The following SLC6A6 variants were observed in gnomAD, a reference collection of about 807,000 sequenced individuals.
The protein encoded by SLC6A6 is sodium- and chloride-dependent taurine transporter.
In SLC6A6, 16 loss-of-function variants were observed where a neutral mutation model predicts 68.8. The ratio of observed to expected loss-of-function variants is 0.23; its 90% confidence interval spans 0.16 to 0.35. SLC6A6 has a LOEUF of 0.35. Among genes scored for constraint, SLC6A6 ranks in the 10% least tolerant of loss-of-function variants. SLC6A6 has a pLI of 1.00. For missense variants in SLC6A6, 474 were observed against 802.8 expected (o/e 0.59, Z 4.95); for synonymous variants, 312 against 315.4 (o/e 0.99, Z 0.12).
rs1700769766 is a variant in SLC6A6 at position 14,472,304 on chromosome 3, G to T, written c.1196G>T (p.Gly399Val). The T allele has an allele frequency of 6.2e-7, 1 of 1,604,492 alleles. No individual in the cohort carries two copies. Among genetic ancestry groups the T allele is most frequent in the South Asian group, 1.1e-5 (1 of 90,876 alleles). The change falls in exon 10 of 15, where the codon GGA becomes GTA. Residue 399 changes from glycine (G) to valine (V), a missense_variant. Gly to Val is a moderately radical substitution (Grantham distance 109). This residue lies in a region of SLC6A6 where 280 missense variants were observed against 533.1 expected (regional missense o/e 0.53). Coordinates refer to ENST00000622186, the MANE Select transcript of SLC6A6 (RefSeq NM_003043.6). This position sits in a 1 kb window ranked among gnomAD's most constrained non-coding sequence, Gnocchi z 4.5. The stretch of plus-strand genomic sequence containing the variant: ...TTTTTTATTATGCTTCTCTTGCTTG[G>T]ACTGGATAGCCAGGTGCGTATAAGG... ...ILFFIMLLLL[G>V]LDSQFVEVEG...
chr3:14,404,797 G>A (rs937278722), intron 1 of SLC6A6, among the ~76,000 whole-genome samples: 3 of 152,228 alleles, frequency 2.0e-5, no homozygotes, highest in East Asian at 3.9e-4. Context: ...AGGGTGTCAC[G>A]AGGTCCTGGG....
At position 14,468,185 on chromosome 3, in the gene SLC6A6, G is replaced by GTGGA. The variant is rs750070399; in HGVS notation, c.1070_1073dup (p.Ile359GlyfsTer4). 6.2e-7 allele frequency: 1 copy of GTGGA among 1,613,996 alleles called. No individual in the cohort carries two copies. The highest frequency in any genetic ancestry group is 8.5e-7 in the Non-Finnish European group (1 of 1,179,984). On this transcript the variant is annotated frameshift_variant, in exon 9 of 15. Coordinates refer to ENST00000622186, the MANE Select transcript of SLC6A6 (RefSeq NM_003043.6). LOFTEE classifies it high-confidence loss of function. The surrounding 1 kb of genome is among the most constrained non-coding windows in gnomAD (Gnocchi z 4.5). The stretch of plus-strand genomic sequence containing the variant: ...GGGCTTCATGGCACAAGAGCAAGGG[G>GTGGA]TGGACATTGCTGATGTGGCTGAGTC...
intron 9 of SLC6A6, among the ~76,000 whole-genome samples, chr3:14,469,492 C>T (rs1191829886): frequency 1.3e-5 from 2 of 152,208 alleles, no homozygotes; most frequent in Non-Finnish European, 2.9e-5. Flanking sequence ...GCCTCAGCAT[C>T]GCGTGTCCAG....
intron 1 of SLC6A6, among the ~76,000 whole-genome samples, chr3:14,414,663 C>T (rs1363436109): frequency 6.6e-6 from 1 of 152,070 alleles, no homozygotes; most frequent in Non-Finnish European, 1.5e-5. Context: ...GTGGGTGGGA[C>T]TACAGGCATG....
rs934190545 is a variant in SLC6A6, at chr3:14,485,497, A to G, written c.*490A>G. ...GGAATTTTCCTGGGACTCTACACCCATCTTAAGGTGGTATACCTTCCAAAT... is the reference window on the plus strand; with the variant it reads ...GGAATTTTCCTGGGACTCTACACCCGTCTTAAGGTGGTATACCTTCCAAAT... On this transcript the variant is annotated 3_prime_UTR_variant, in exon 15 of 15. Transcript: ENST00000622186. 9 of 153,308 alleles carry G rather than the reference A, an allele frequency of 5.9e-5. No homozygotes were observed. Among genetic ancestry groups the G allele is most frequent in the African/African-American group, 2.2e-4 (9 of 41,426 alleles). The allele number at this position is 153,308 out of a possible 1,614,324, so 9.5% of individuals were successfully genotyped here. A position where few individuals can be genotyped will look rare whatever the true frequency, so the allele number is the denominator to read the frequency against.
intron 2 of SLC6A6, among the ~76,000 whole-genome samples, chr3:14,424,557 G>A (rs1448440749): frequency 1.3e-5 from 2 of 151,334 alleles, no homozygotes; most frequent in African/African-American, 2.4e-5. Flanking sequence ...GCTGCCTGGG[G>A]TAGGGGGTGG....
At chr3:14,464,191 A>G (rs1700561972) in intron 6 of SLC6A6, among the ~76,000 whole-genome samples, 1 of 152,164 alleles carries the variant, frequency 6.6e-6, no homozygotes. Flanking sequence ...GCCAGCCTCT[A>G]AGCTTGGCTT....
At chr3:14,423,244 A>G (rs1301772312) in intron 2 of SLC6A6, among the ~76,000 whole-genome samples, 3 of 152,210 alleles carry the variant, frequency 2.0e-5, no homozygotes, top group African/African-American at 7.2e-5. Flanking sequence ...CTCTGGAAGG[A>G]CAGACAGTGT....
At chr3:14,416,581 A>C (rs1291854514) in intron 2 of SLC6A6, 128 bp downstream of exon 2, 2 of 395,666 alleles carry the variant, frequency 5.1e-6, no homozygotes, top group Non-Finnish European at 8.9e-6. Context: ...CCTGAGGCCC[A>C]CAGACCTTGT....
chr3:14,452,216 TCA>T (rs1477049191), intron 5 of SLC6A6, among the ~76,000 whole-genome samples: 2 of 152,040 alleles, frequency 1.3e-5, no homozygotes, highest in Non-Finnish European at 2.9e-5. Flanking sequence ...GAGACAAAGC[TCA>T]ACTCTGGCTC....
intron 6 of SLC6A6, among the ~76,000 whole-genome samples, chr3:14,466,026 C>A (rs917182467): frequency 1.3e-5 from 2 of 152,086 alleles, no homozygotes; most frequent in Non-Finnish European, 2.9e-5. Flanking sequence ...CTTTGGGAGG[C>A]TGAGGCAGGT....
chr3:14,426,335 A>T (rs988213396), intron 2 of SLC6A6, among the ~76,000 whole-genome samples: 4 of 151,756 alleles, frequency 2.6e-5, no homozygotes, highest in Non-Finnish European at 4.4e-5. Context: ...GTCCCCCCCC[A>T]GCCATCCCAA....
Position 14,472,253 on chromosome 3 carries a change from C to T in SLC6A6, c.1145C>T (p.Pro382Leu). The change falls in exon 10 of 15, where the codon CCG (proline) becomes CTG (leucine). Residue 382 changes from proline (P) to leucine (L), a missense_variant. Pro to Leu is a moderately conservative substitution (Grantham distance 98, BLOSUM62 -3). Transcript: ENST00000622186. This position sits in a 1 kb window ranked among gnomAD's most constrained non-coding sequence, Gnocchi z 4.5. ...IAYPKAVTMMPLPTFWSILFF... is the reference protein window; with the variant it reads ...IAYPKAVTMMLLPTFWSILFF... Reference sequence around the variant, plus strand: ...TACCCAAAAGCTGTGACAATGATGCCGCTGCCCACATTTTGGTCCATTCTT... The same window carrying T: ...TACCCAAAAGCTGTGACAATGATGCTGCTGCCCACATTTTGGTCCATTCTT... The T allele has an allele frequency of 1.9e-6, 3 of 1,613,974 alleles. No individual in the cohort carries two copies. Among genetic ancestry groups the T allele is most frequent in the South Asian group, 1.1e-5 (1 of 91,082 alleles).
At chr3:14,445,917 C>T in intron 4 of SLC6A6, 66 bp downstream of exon 4, 2 of 1,551,968 alleles carry the variant, frequency 1.3e-6, no homozygotes, top group Non-Finnish European at 1.8e-6. Flanking sequence ...TTATTGAGCA[C>T]CTATTGTCTG....
intron 2 of SLC6A6, among the ~76,000 whole-genome samples, chr3:14,432,240 T>C (rs1288510752): frequency 6.6e-6 from 1 of 152,234 alleles, no homozygotes; most frequent in African/African-American, 2.4e-5. Flanking sequence ...GCAACCAACC[T>C]TTCTCTTTTC....
intron 2 of SLC6A6, among the ~76,000 whole-genome samples, chr3:14,416,710 T>TGG (rs1286303931): frequency 6.6e-6 from 1 of 152,240 alleles, no homozygotes; most frequent in African/African-American, 2.4e-5. Context: ...GGCCAAGCAC[T>TGG]GGTTTTGGAG....
chr3:14,454,976 G>A lies in SLC6A6; in HGVS notation c.600-2974G>A, dbSNP rs183744749. Among the ~76,000 whole-genome samples the A allele has an allele frequency of 7.9e-5, 12 of 152,260 alleles. No individual in the cohort carries two copies. In the East Asian group the frequency reaches 2.1e-3, roughly 27 times the overall value. ...ACACAGAACTTTCCTGTTTTACACC[G>A]CTGCATTGTATTCCAGTGTGTGCCT... On this transcript the variant is annotated intron_variant, in intron 5 of 14. Coordinates refer to ENST00000622186, the MANE Select transcript of SLC6A6 (RefSeq NM_003043.6).
chr3:14,480,441 C>A (rs1184818424), intron 13 of SLC6A6, among the ~76,000 whole-genome samples: 2 of 150,592 alleles, frequency 1.3e-5, no homozygotes, highest in Non-Finnish European at 2.9e-5. Context: ...ATGAGGTCAC[C>A]CTCATGGAGA....
intron 6 of SLC6A6, among the ~76,000 whole-genome samples, chr3:14,464,828 T>C (rs1054966481): frequency 2.6e-5 from 4 of 152,250 alleles, no homozygotes; most frequent in Non-Finnish European, 4.4e-5. Context: ...CAAGGTCCCC[T>C]GATCCCCAGA....
Sources: gnomAD v4.1 joint callset for allele counts (sites outside exome capture counted in the v4.1 genomes callset) on GRCh38, gnomAD v4.1.1 for gene constraint, gnomAD v4.1.1 regional missense constraint, Gnocchi (gnomAD v3.1) non-coding constraint, MANE v1.5 for transcripts, NCBI Gene and HGNC (gene_info 2026-07-23, HGNC 2026-07-21) for gene names.